Variants in CPLANE1 observed in about 807,000 individuals in gnomAD.
CPLANE1 encodes the protein ciliogenesis and planar polarity effector complex subunit 1.
Under a neutral mutation model 362.5 loss-of-function variants are expected in CPLANE1, and 263 were observed. That is an observed-to-expected ratio of 0.73 (90% CI 0.66 to 0.80). The LOEUF (loss-of-function observed/expected upper bound fraction) is 0.80. Among genes scored for constraint, CPLANE1 ranks in the 30% least tolerant of loss-of-function variants. CPLANE1 has a pLI of 0.00. For missense variants in CPLANE1, 3,461 were observed against 3,793.4 expected (o/e 0.91, Z 2.30); for synonymous variants, 1,212 against 1,302.6 (o/e 0.93, Z 1.50).
intron 2 of CPLANE1, 60 bp from the exon 3 acceptor site, chr5:37,245,905 CTAAA>C: frequency 1.4e-6 from 2 of 1,382,660 alleles, no homozygotes; most frequent in Non-Finnish European, 1.9e-6. Context: ...AACTTACTGC[CTAAA>C]TAAATTATCC....
chr5:37,169,991 A>G, intron 33 of CPLANE1, 50 bp downstream of exon 33: 1 of 1,563,626 alleles, frequency 6.4e-7, no homozygotes, highest in Non-Finnish European at 8.7e-7. Context: ...CTGGGATTAC[A>G]GACATGAGCC....
At chr5:37,172,920 G>C (rs1780197382) in intron 32 of CPLANE1, among the ~76,000 whole-genome samples, 1 of 152,170 alleles carries the variant, frequency 6.6e-6, no homozygotes, top group Admixed American at 6.5e-5. Context: ...GGAGGCAGAG[G>C]TTGCAGTGAG....
intron 15 of CPLANE1, among the ~76,000 whole-genome samples, chr5:37,218,932 G>C (rs937303065): frequency 2.1e-4 from 31 of 148,000 alleles, no homozygotes; most frequent in Admixed American, 4.7e-4. Context: ...TGTGCCACAA[G>C]AGCGAAACTC....
chr5:37,108,265 G>C, intron 52 of CPLANE1, 28 bp downstream of exon 52: 1 of 1,596,482 alleles, frequency 6.3e-7, no homozygotes, highest in Non-Finnish European at 8.6e-7. Flanking sequence ...GCAATCACTA[G>C]ACAAACAAAA....
At chr5:37,195,091 C>T (rs958740894) in intron 21 of CPLANE1, among the ~76,000 whole-genome samples, 2 of 149,382 alleles carry the variant, frequency 1.3e-5, no homozygotes, top group Non-Finnish European at 3.0e-5. Flanking sequence ...GGAGGCAGAG[C>T]TTGCAGTGAG....
chr5:37,236,438 A>G (rs573696853), intron 8 of CPLANE1, among the ~76,000 whole-genome samples: 1 of 152,304 alleles, frequency 6.6e-6, no homozygotes, highest in Admixed American at 6.5e-5. Context: ...AAGATGGATT[A>G]AAGACCTAAA....
Position 37,220,042 on chromosome 5 carries a change from C to T in CPLANE1, c.2746+1282G>A, listed in dbSNP as rs182739030. The stretch of plus-strand genomic sequence containing the variant: ...CCAAGGTGGGTGGATTGCTTGAGCC[C>T]AGGAAGTCAAGATCAGCCTGGGCAG... On this transcript the variant is annotated intron_variant, in intron 15 of 52. Coordinates refer to ENST00000651892, the MANE Select transcript of CPLANE1 (RefSeq NM_001384732.1). Among the ~76,000 whole-genome samples the T allele has an allele frequency of 1.7e-3, 253 of 152,140 alleles. 1 individual carries two copies. Among genetic ancestry groups the T allele is most frequent in the Non-Finnish European group, 2.6e-3 (179 of 67,998 alleles).
At chr5:37,105,941 G>A (rs1482917819), downstream of CPLANE1, among the ~76,000 whole-genome samples, 1 of 152,054 alleles carries the variant, frequency 6.6e-6, no homozygotes, top group South Asian at 2.1e-4. Flanking sequence ...CAGAAAAAAG[G>A]AAGTCAATAC....
At chr5:37,210,999 T>G (rs186557357) in intron 16 of CPLANE1, 1 of 792,768 alleles carries the variant, frequency 1.3e-6, no homozygotes, top group African/African-American at 1.7e-5. Flanking sequence ...AAAATCGCAA[T>G]TGAAGCAAAC....
intron 46 of CPLANE1, chr5:37,138,454 T>C (rs958873754): frequency 1.6e-5 from 9 of 558,832 alleles, no homozygotes; most frequent in Non-Finnish European, 2.7e-5. Context: ...TATGAGCTAA[T>C]CATTAATTAC....
chr5:37,164,723 C>G (rs1777779956), intron 36 of CPLANE1, among the ~76,000 whole-genome samples: 1 of 152,142 alleles, frequency 6.6e-6, no homozygotes, highest in Non-Finnish European at 1.5e-5. Context: ...TTTTAAAAAT[C>G]AATGTAAACA....
rs528959297 is a variant in CPLANE1, at chr5:37,243,192, A to G, written c.571-73T>C. The G allele has an allele frequency of 1.1e-5, 9 of 830,858 alleles. No individual in the cohort carries two copies. The East Asian group carries it at 2.6e-4, about 24-fold the overall frequency. The allele number at this position is 830,858 out of a possible 1,614,324, so 51.5% of individuals were successfully genotyped here. The stretch of plus-strand genomic sequence containing the variant: ...AATCAAGATACTAAAATACATATAT[A>G]TATTCCTCATCATAAACCAGTAAAA... On this transcript the variant is annotated intron_variant, in intron 5 of 52. Transcript: ENST00000651892.
intron 49 of CPLANE1, 118 bp downstream of exon 49, chr5:37,121,499 A>C (rs1762616082): frequency 1.1e-6 from 1 of 891,692 alleles, no homozygotes; most frequent in African/African-American, 1.7e-5. Flanking sequence ...TTCCTTTATC[A>C]TCATAACTCT....
intron 38 of CPLANE1, 30 bp downstream of exon 38, chr5:37,162,435 A>G (rs764336986): frequency 1.0e-5 from 14 of 1,374,368 alleles, no homozygotes; most frequent in Non-Finnish European, 1.3e-5. Flanking sequence ...AAAATATATG[A>G]ATTTTTTTAA....
the CPLANE1 span, among the ~76,000 whole-genome samples, chr5:37,077,088 A>G: frequency 6.6e-6 from 1 of 152,214 alleles, no homozygotes; most frequent in East Asian, 1.9e-4. Context: ...TTGTAAGAAG[A>G]GGGATTGAGC....
At chr5:37,163,698 A>G (rs1264331969) in intron 37 of CPLANE1, among the ~76,000 whole-genome samples, 1 of 152,086 alleles carries the variant, frequency 6.6e-6, no homozygotes, top group Non-Finnish European at 1.5e-5. Flanking sequence ...GCCCCTTTTG[A>G]TCATACCTAA....
chr5:37,159,390 C>A (rs557171199), intron 38 of CPLANE1, among the ~76,000 whole-genome samples: 1 of 151,596 alleles, frequency 6.6e-6, no homozygotes, highest in East Asian at 1.9e-4. Context: ...GGATTACAGG[C>A]GTGAGCCACC....
At chr5:37,180,755 G>T in intron 27 of CPLANE1, 102 bp downstream of exon 27, 1 of 1,083,472 alleles carries the variant, frequency 9.2e-7, no homozygotes, top group Non-Finnish European at 1.3e-6. Context: ...TTCAAAAAAT[G>T]CTCATTCCTT....
At chr5:37,158,435 C>A (rs1239785481) in intron 38 of CPLANE1, 90 bp from the exon 39 acceptor site, 7 of 1,251,606 alleles carry the variant, frequency 5.6e-6, no homozygotes. Flanking sequence ...AAGTTAGCAA[C>A]AAACAACATA....
Sources: gnomAD v4.1 joint callset for allele counts (sites outside exome capture counted in the v4.1 genomes callset) on GRCh38, gnomAD v4.1.1 for gene constraint, MANE v1.5 for transcripts, NCBI Gene and HGNC (gene_info 2026-07-23, HGNC 2026-07-21) for gene names.